The following MICU2 variants were observed in gnomAD, a reference collection of about 807,000 sequenced individuals.
MICU2 encodes the protein calcium uptake protein 2, mitochondrial.
Under a neutral mutation model 60.4 loss-of-function variants are expected in MICU2, and 64 were observed. That is an observed-to-expected ratio of 1.06 (90% CI 0.87 to 1.31). The LOEUF (loss-of-function observed/expected upper bound fraction) is 1.31. MICU2 is among the 50% of genes most tolerant of loss of function. The probability of loss-of-function intolerance (pLI) is 0.00; values close to 1 mark genes in which losing one functional copy is unlikely to be tolerated. For missense variants in MICU2, 569 were observed against 531.0 expected (o/e 1.07, Z -0.70); for synonymous variants, 201 against 175.0 (o/e 1.15, Z -1.17).
intron 11 of MICU2, among the ~76,000 whole-genome samples, chr13:21,493,848 G>A (rs1389416004): frequency 6.6e-6 from 1 of 151,340 alleles, no homozygotes; most frequent in Non-Finnish European, 1.5e-5. Flanking sequence ...ATTCATGGAC[G>A]TGTTTTGTTA....
At chr13:21,577,673 C>T (rs1593353637) in intron 1 of MICU2, among the ~76,000 whole-genome samples, 2 of 151,724 alleles carry the variant, frequency 1.3e-5, no homozygotes, top group South Asian at 4.2e-4. Flanking sequence ...GGTGTGGTGG[C>T]GTGCACCTGT....
At chr13:21,549,581 G>T in intron 2 of MICU2, among the ~76,000 whole-genome samples, 1 of 152,014 alleles carries the variant, frequency 6.6e-6, no homozygotes, top group Middle Eastern at 3.4e-3. Context: ...TTGGCTGTCT[G>T]GGTTGGCTGT....
At chr13:21,537,759 C>T (rs889695744) in intron 4 of MICU2, among the ~76,000 whole-genome samples, 1 of 152,132 alleles carries the variant, frequency 6.6e-6, no homozygotes, top group East Asian at 1.9e-4. Context: ...GGATTACAGG[C>T]GTGAGCCACC....
At chr13:21,524,143 G>C (rs1347362936) in intron 4 of MICU2, among the ~76,000 whole-genome samples, 3 of 152,120 alleles carry the variant, frequency 2.0e-5, no homozygotes, top group African/African-American at 7.2e-5. Flanking sequence ...CGGATCAAAA[G>C]ATTGGTATAA....
chr13:21,502,090 G>C (rs965094048), intron 9 of MICU2, among the ~76,000 whole-genome samples: 1 of 151,990 alleles, frequency 6.6e-6, no homozygotes, highest in Non-Finnish European at 1.5e-5. Flanking sequence ...CAATAATAGG[G>C]GATGTCTTAT....
At chr13:21,545,697 TAGA>T (rs1185704176) in intron 2 of MICU2, among the ~76,000 whole-genome samples, 1 of 150,168 alleles carries the variant, frequency 6.7e-6, no homozygotes, top group Non-Finnish European at 1.5e-5. Flanking sequence ...GTTGATATCA[TAGA>T]AGTAGAAAGT....
intron 6 of MICU2, chr13:21,515,680 C>G (rs1429640671): frequency 2.1e-5 from 6 of 279,302 alleles, no homozygotes; most frequent in Non-Finnish European, 4.5e-5. Context: ...TTTTTCTGGG[C>G]TATTTAACAG....
chr13:21,514,747 A>C (rs1886524559), intron 6 of MICU2, among the ~76,000 whole-genome samples: 1 of 147,812 alleles, frequency 6.8e-6, no homozygotes, highest in Non-Finnish European at 1.5e-5. Flanking sequence ...TCACCGTGTT[A>C]GCCAGGATGG....
chr13:21,559,843 T>G (rs1245363516), intron 2 of MICU2, among the ~76,000 whole-genome samples: 1 of 152,198 alleles, frequency 6.6e-6, no homozygotes, highest in African/African-American at 2.4e-5. Flanking sequence ...TAGTTTCAAT[T>G]GGCATGTCCA....
chr13:21,576,870 T>C (rs146466071), intron 1 of MICU2, among the ~76,000 whole-genome samples: 2 of 152,338 alleles, frequency 1.3e-5, no homozygotes, highest in African/African-American at 4.8e-5. Context: ...GCAAAGTATG[T>C]TGATTGCACA....
At chr13:21,574,655 C>T (rs1888183964) in intron 1 of MICU2, among the ~76,000 whole-genome samples, 1 of 152,180 alleles carries the variant, frequency 6.6e-6, no homozygotes, top group Non-Finnish European at 1.5e-5. Flanking sequence ...AAGAAAGGGC[C>T]TTCCCTATAG....
chr13:21,569,006 G>A (rs1316255220), intron 1 of MICU2, among the ~76,000 whole-genome samples: 1 of 152,102 alleles, frequency 6.6e-6, no homozygotes, highest in Non-Finnish European at 1.5e-5. Context: ...TTGAAAGGTT[G>A]AGTGAACTGT....
At chr13:21,547,119 T>C (rs2138012378) in intron 2 of MICU2, among the ~76,000 whole-genome samples, 1 of 152,300 alleles carries the variant, frequency 6.6e-6, no homozygotes, top group South Asian at 2.1e-4. Flanking sequence ...TATTAGCAAC[T>C]GGCTTTATGT....
At chr13:21,519,869 A>AC (rs1320762585) in intron 6 of MICU2, among the ~76,000 whole-genome samples, 5 of 152,158 alleles carry the variant, frequency 3.3e-5, no homozygotes, top group Non-Finnish European at 1.5e-5. Context: ...AGTAAAATGT[A>AC]CCCCTTTAAA....
intron 8 of MICU2, among the ~76,000 whole-genome samples, chr13:21,505,075 C>T (rs1185333933): frequency 6.6e-6 from 1 of 152,140 alleles, no homozygotes; most frequent in African/African-American, 2.4e-5. Flanking sequence ...GACGAGAAGA[C>T]TTGAGGCCAA....
intron 4 of MICU2, among the ~76,000 whole-genome samples, chr13:21,523,790 T>C (rs937622352): frequency 6.6e-6 from 1 of 152,242 alleles, no homozygotes; most frequent in African/African-American, 2.4e-5. Context: ...GGATTTCTGA[T>C]GCAAATGCTG....
intron 10 of MICU2, 75 bp downstream of exon 10, chr13:21,495,977 G>A (rs1885985436): frequency 1.0e-6 from 1 of 986,316 alleles, no homozygotes; most frequent in Admixed American, 2.4e-5. Context: ...TTCCTTGATT[G>A]GTAGCATTTA....
chr13:21,589,454 CCAAGA>C (rs1888526671), intron 1 of MICU2, among the ~76,000 whole-genome samples: 1 of 152,044 alleles, frequency 6.6e-6, no homozygotes, highest in South Asian at 2.1e-4. Context: ...AACAACTAAG[CCAAGA>C]CATGTTAAAA....
intron 1 of MICU2, among the ~76,000 whole-genome samples, chr13:21,574,517 A>G (rs926815456): frequency 6.6e-6 from 1 of 152,256 alleles, no homozygotes; most frequent in Non-Finnish European, 1.5e-5. Context: ...TATTGCCTCT[A>G]AAGCAACAGG....
Sources: gnomAD v4.1 joint callset for allele counts (sites outside exome capture counted in the v4.1 genomes callset) on GRCh38, gnomAD v4.1.1 for gene constraint, MANE v1.5 for transcripts, NCBI Gene and HGNC (gene_info 2026-07-23, HGNC 2026-07-21) for gene names.